Variants in PRKG1 observed in about 807,000 individuals in gnomAD.
The protein encoded by PRKG1 is cGMP-dependent protein kinase 1.
A neutral mutation model predicts 88.1 loss-of-function variants in PRKG1; 35 were observed. The ratio of observed to expected loss-of-function variants is 0.40; its 90% confidence interval spans 0.30 to 0.53. The LOEUF (loss-of-function observed/expected upper bound fraction) is 0.53, where lower values mean the gene tolerates loss of function less well. Ranked by LOEUF, PRKG1 falls within the 20% of genes least tolerant of loss-of-function variation. The pLI, the probability that PRKG1 is intolerant of heterozygous loss-of-function variation, is 0.59. For missense variants in PRKG1, 540 were observed against 839.8 expected (o/e 0.64, Z 4.41); for synonymous variants, 303 against 292.5 (o/e 1.04, Z -0.37).
At chr10:52,212,185 A>T (rs994070660) in intron 9 of PRKG1, among the ~76,000 whole-genome samples, 6 of 152,206 alleles carry the variant, frequency 3.9e-5, no homozygotes, top group African/African-American at 1.4e-4. Flanking sequence ...ACAAAAAAAC[A>T]GTAGTGAGGT....
chr10:51,272,671 G>T (rs972073936), intron 2 of PRKG1, among the ~76,000 whole-genome samples: 4 of 152,142 alleles, frequency 2.6e-5, no homozygotes, highest in East Asian at 1.9e-4. Context: ...TCCCAGCTGG[G>T]TGAACATCTG....
chr10:51,915,821 A>G (rs1842327092), intron 5 of PRKG1, among the ~76,000 whole-genome samples: 1 of 152,192 alleles, frequency 6.6e-6, no homozygotes, highest in African/African-American at 2.4e-5. Flanking sequence ...CAAAGAAGAT[A>G]CACAAAAGTC....
chr10:52,001,939 A>G (rs1450741293), intron 5 of PRKG1, among the ~76,000 whole-genome samples: 1 of 152,038 alleles, frequency 6.6e-6, no homozygotes, highest in East Asian at 1.9e-4. Context: ...GTTGGGGCTG[A>G]TTCTCTTCCT....
At chr10:52,253,276 G>A (rs1450477625) in intron 10 of PRKG1, 3 of 151,868 alleles carry the variant, frequency 2.0e-5, no homozygotes, top group Non-Finnish European at 4.4e-5. Context: ...TTAGAAGTTT[G>A]ATAACTTAAA....
chr10:52,103,786 A>G (rs1490384636), intron 7 of PRKG1, among the ~76,000 whole-genome samples: 2 of 151,948 alleles, frequency 1.3e-5, no homozygotes, highest in African/African-American at 4.8e-5. Context: ...AAGACTAAAT[A>G]AGCTTGAAAG....
At chr10:52,201,201 T>G (rs1269872288) in intron 9 of PRKG1, among the ~76,000 whole-genome samples, 1 of 152,214 alleles carries the variant, frequency 6.6e-6, no homozygotes, top group African/African-American at 2.4e-5. Flanking sequence ...TGCATTTAAG[T>G]ATTTAATCCA....
intron 3 of PRKG1, among the ~76,000 whole-genome samples, chr10:51,561,686 A>G (rs1837465955): frequency 1.3e-5 from 2 of 152,076 alleles, no homozygotes; most frequent in African/African-American, 4.8e-5. Flanking sequence ...AGGAAGAGGA[A>G]GAAGAGAAAA....
chr10:52,073,633 T>A (rs145255195), intron 7 of PRKG1, among the ~76,000 whole-genome samples: 32 of 152,320 alleles, frequency 2.1e-4, no homozygotes, highest in African/African-American at 7.7e-4. Flanking sequence ...AAATGAGATA[T>A]TAGAACCTGG....
chr10:51,643,356 A>G (rs1839844773), intron 3 of PRKG1, among the ~76,000 whole-genome samples: 1 of 152,204 alleles, frequency 6.6e-6, no homozygotes, highest in South Asian at 2.1e-4. Flanking sequence ...CAGACATCCT[A>G]AAACCTGCTG....
chr10:52,071,691 G>A (rs1477946016), intron 7 of PRKG1, among the ~76,000 whole-genome samples: 1 of 151,622 alleles, frequency 6.6e-6, no homozygotes. Context: ...GTTTTTTGGT[G>A]TTTTTATTTT....
chr10:51,603,291 T>G (rs1838665890), intron 3 of PRKG1, among the ~76,000 whole-genome samples: 1 of 152,056 alleles, frequency 6.6e-6, no homozygotes, highest in South Asian at 2.1e-4. Flanking sequence ...TAAGGCACAC[T>G]AGAAACATGA....
intron 3 of PRKG1, among the ~76,000 whole-genome samples, chr10:51,643,804 A>T (rs1038645863): frequency 1.3e-5 from 2 of 152,166 alleles, no homozygotes; most frequent in African/African-American, 4.8e-5. Context: ...CAAAAACATA[A>T]AACAAAACTT....
At chr10:52,012,045 T>C (rs1844897798) in intron 5 of PRKG1, among the ~76,000 whole-genome samples, 1 of 152,148 alleles carries the variant, frequency 6.6e-6, no homozygotes, top group Non-Finnish European at 1.5e-5. Context: ...CAGTCTTGGG[T>C]ATGTCTTTAT....
chr10:51,984,762 T>C (rs1282181711), intron 5 of PRKG1, among the ~76,000 whole-genome samples: 1 of 152,158 alleles, frequency 6.6e-6, no homozygotes, highest in Non-Finnish European at 1.5e-5. Context: ...GAATGCTGCT[T>C]GAGTTTTTTA....
chr10:51,254,885 C>T (rs925747278), intron 2 of PRKG1, among the ~76,000 whole-genome samples: 9 of 151,928 alleles, frequency 5.9e-5, no homozygotes, highest in African/African-American at 9.7e-5. Context: ...ATATGACAAA[C>T]ATTTGGATTC....
chr10:51,249,537 T>A (rs781557026), intron 2 of PRKG1, among the ~76,000 whole-genome samples: 1 of 151,892 alleles, frequency 6.6e-6, no homozygotes, highest in Non-Finnish European at 1.5e-5. Context: ...ATCAGACATA[T>A]TTTAGGTGAT....
intron 7 of PRKG1, among the ~76,000 whole-genome samples, chr10:52,109,942 A>G (rs116280589): frequency 0.01 from 1,549 of 151,822 alleles, 51 homozygotes; most frequent in African/African-American, 0.032. Context: ...CCACTTCTCA[A>G]TTCCCGAGCT....
intron 7 of PRKG1, among the ~76,000 whole-genome samples, chr10:52,110,644 G>C (rs1847541622): frequency 6.6e-6 from 1 of 152,112 alleles, no homozygotes; most frequent in Admixed American, 6.5e-5. Context: ...CCGAGACATA[G>C]TTTAGAGCTA....
intron 5 of PRKG1, among the ~76,000 whole-genome samples, chr10:51,961,401 G>A (rs1195915209): frequency 6.6e-6 from 1 of 152,118 alleles, no homozygotes; most frequent in African/African-American, 2.4e-5. Flanking sequence ...AAAAGAATCT[G>A]CATTTAAGCA....
Sources: gnomAD v4.1 joint callset for allele counts (sites outside exome capture counted in the v4.1 genomes callset) on GRCh38, gnomAD v4.1.1 for gene constraint, MANE v1.5 for transcripts, NCBI Gene and HGNC (gene_info 2026-07-23, HGNC 2026-07-21) for gene names.